The following SCAPER variants were observed in gnomAD, a reference collection of about 807,000 sequenced individuals.
SCAPER encodes S phase cyclin A-associated protein in the endoplasmic reticulum.
A neutral mutation model predicts 182.2 loss-of-function variants in SCAPER; 98 were observed. That is an observed-to-expected ratio of 0.54 (90% CI 0.46 to 0.64). The LOEUF (loss-of-function observed/expected upper bound fraction) is 0.64. Ranked by LOEUF, SCAPER falls within the 30% of genes least tolerant of loss-of-function variation. SCAPER has a pLI of 0.00. For missense variants in SCAPER, 1,432 were observed against 1,690.0 expected, an observed-to-expected ratio of 0.85 and a Z score of 2.68; for synonymous variants, 605 against 564.6, an observed-to-expected ratio of 1.07 and a Z score of -1.01.
chr15:76,382,721 T>C (rs2043031123), intron 27 of SCAPER, among the ~76,000 whole-genome samples: 1 of 152,192 alleles, frequency 6.6e-6, no homozygotes. Flanking sequence ...TTTCTCTGGC[T>C]GTTGAGCATC....
chr15:76,449,158 T>C (rs1230698474), intron 25 of SCAPER, among the ~76,000 whole-genome samples: 2 of 152,206 alleles, frequency 1.3e-5, no homozygotes. Context: ...TATCATTTAT[T>C]TTTCTATAAA....
intron 23 of SCAPER, among the ~76,000 whole-genome samples, chr15:76,527,509 T>G (rs2043298800): frequency 6.6e-6 from 1 of 152,252 alleles, no homozygotes; most frequent in Non-Finnish European, 1.5e-5. Context: ...GTTGTGAAAC[T>G]GTGTGCTCTC....
chr15:76,762,454 CTACTT>C (rs1327200344), intron 14 of SCAPER, among the ~76,000 whole-genome samples: 4 of 148,316 alleles, frequency 2.7e-5, no homozygotes, highest in Middle Eastern at 3.4e-3. Context: ...TTACAACTGT[CTACTT>C]TAATTTGATG....
chr15:76,754,683 A>G (rs1313501641), intron 14 of SCAPER, among the ~76,000 whole-genome samples: 1 of 94,698 alleles, frequency 1.1e-5, no homozygotes, highest in Non-Finnish European at 2.1e-5. Context: ...ATATGAGTGG[A>G]AAAAACCTAA....
At chr15:76,838,396 C>T (rs189971818) in intron 5 of SCAPER, among the ~76,000 whole-genome samples, 2 of 152,294 alleles carry the variant, frequency 1.3e-5, no homozygotes, top group East Asian at 3.9e-4. Flanking sequence ...TGGGGCCCAA[C>T]TCCATCAGAG....
chr15:76,766,483 AC>A (rs947593798), intron 11 of SCAPER, among the ~76,000 whole-genome samples: 28 of 151,958 alleles, frequency 1.8e-4, no homozygotes, highest in Admixed American at 1.8e-3. Flanking sequence ...TGGAGTTCTT[AC>A]TTTATGTCAG....
At chr15:76,751,929 A>C (rs564978910) in intron 15 of SCAPER, among the ~76,000 whole-genome samples, 88 of 151,922 alleles carry the variant, frequency 5.8e-4, no homozygotes, top group African/African-American at 2.0e-3. Flanking sequence ...TGCTACTGTC[A>C]AAGTAAAAAT....
intron 23 of SCAPER, among the ~76,000 whole-genome samples, chr15:76,560,932 G>A (rs1011202557): frequency 3.9e-5 from 6 of 152,040 alleles, no homozygotes; most frequent in Non-Finnish European, 8.8e-5. Flanking sequence ...TAATACACAG[G>A]GTATCTGTCA....
At chr15:76,755,019 CT>C (rs146452793) in intron 14 of SCAPER, among the ~76,000 whole-genome samples, 2,197 of 152,090 alleles carry the variant, frequency 0.014, 56 homozygotes, top group African/African-American at 0.051. Flanking sequence ...GAAGGGATAC[CT>C]ACATTGATGA....
chr15:76,568,546 G>A (rs1347675031), intron 23 of SCAPER, among the ~76,000 whole-genome samples: 5 of 151,860 alleles, frequency 3.3e-5, no homozygotes, highest in South Asian at 2.1e-4. Flanking sequence ...TAGTAGAGAC[G>A]GGGTTTCGCC....
At chr15:76,570,958 A>G (rs1219004972) in intron 23 of SCAPER, among the ~76,000 whole-genome samples, 1 of 152,092 alleles carries the variant, frequency 6.6e-6, no homozygotes, top group African/African-American at 2.4e-5. Flanking sequence ...TGCTTTCTTC[A>G]TAGTCCTGAG....
At chr15:76,349,879 CTG>C (rs2040420483) in intron 31 of SCAPER, 3 of 151,946 alleles carry the variant, frequency 2.0e-5, no homozygotes, top group Admixed American at 6.6e-5. Flanking sequence ...GCTTCTGGGA[CTG>C]TGTCTTCCAG....
chr15:76,651,768 T>C lies in SCAPER; in HGVS notation c.2645+13885A>G, dbSNP rs142225758. ...AGAGACCTCTCCCTATCTCATTCTATGAAGCTAGAATCAGACTGACACCAG... is the reference window on the plus strand; with the variant it reads ...AGAGACCTCTCCCTATCTCATTCTACGAAGCTAGAATCAGACTGACACCAG... On this transcript the variant is annotated intron_variant, in intron 21 of 31. Coordinates refer to ENST00000563290, the MANE Select transcript of SCAPER (RefSeq NM_020843.4). 2.3e-3 allele frequency among the ~76,000 whole-genome samples: 343 copies of C among 149,670 alleles called. 1 individual carries two copies. Among genetic ancestry groups the C allele is most frequent in the Middle Eastern group, 0.011 (3 of 280 alleles).
intron 5 of SCAPER, among the ~76,000 whole-genome samples, chr15:76,841,114 G>C (rs936851510): frequency 2.6e-5 from 4 of 152,190 alleles, no homozygotes; most frequent in Non-Finnish European, 4.4e-5. Context: ...AAATAATGTT[G>C]TGTGTGTATC....
chr15:76,441,427 C>G (rs2047592345), intron 25 of SCAPER, among the ~76,000 whole-genome samples: 1 of 152,138 alleles, frequency 6.6e-6, no homozygotes. Context: ...CTTCGTTATA[C>G]ATGTTGAATC....
chr15:76,564,010 A>T (rs1412486791), intron 23 of SCAPER, among the ~76,000 whole-genome samples: 1 of 152,168 alleles, frequency 6.6e-6, no homozygotes, highest in African/African-American at 2.4e-5. Context: ...TTAAAATAAC[A>T]TACCTCAAAA....
At chr15:76,351,176 GATAAGAAAGATGTCC>G (rs1377728400) in intron 31 of SCAPER, 46 bp downstream of exon 31, 1 of 1,447,370 alleles carries the variant, frequency 6.9e-7, no homozygotes, top group Non-Finnish European at 9.5e-7. Context: ...CAGAGGAAAG[GATAAGAAAGATGTCC>G]ATTTGGCTAA....
At chr15:76,389,448 C>A (rs1410479019) in intron 27 of SCAPER, among the ~76,000 whole-genome samples, 1 of 122,098 alleles carries the variant, frequency 8.2e-6, no homozygotes, top group Non-Finnish European at 1.6e-5. Flanking sequence ...TTGCAGTGAG[C>A]CGAGTTTGCA....
At chr15:76,717,602 T>C (rs1442380855) in intron 17 of SCAPER, among the ~76,000 whole-genome samples, 2 of 152,144 alleles carry the variant, frequency 1.3e-5, no homozygotes, top group African/African-American at 4.8e-5. Context: ...AAACAGCTGA[T>C]AACAACTTAA....
Sources: gnomAD v4.1 joint callset for allele counts (sites outside exome capture counted in the v4.1 genomes callset) on GRCh38, gnomAD v4.1.1 for gene constraint, MANE v1.5 for transcripts, NCBI Gene and HGNC (gene_info 2026-07-23, HGNC 2026-07-21) for gene names.